PARD3B: variants seen among roughly 807,000 people sequenced by gnomAD.
The protein encoded by PARD3B is partitioning defective 3 homolog B.
A neutral mutation model predicts 130.2 loss-of-function variants in PARD3B; 103 were observed. The ratio of observed to expected loss-of-function variants is 0.79; its 90% confidence interval spans 0.67 to 0.93. The LOEUF is 0.93. Ranked by LOEUF, PARD3B falls within the 40% of genes least tolerant of loss-of-function variation. PARD3B has a pLI of 0.00. For missense variants in PARD3B, 1,609 were observed against 1,499.2 expected, an observed-to-expected ratio of 1.07 and a Z score of -1.21; for synonymous variants, 583 against 553.2, an observed-to-expected ratio of 1.05 and a Z score of -0.76.
intron 1 of PARD3B, among the ~76,000 whole-genome samples, chr2:204,638,294 G>GT (rs1243203404): frequency 5.3e-5 from 8 of 152,140 alleles, no homozygotes; most frequent in Non-Finnish European, 7.4e-5. Context: ...TAAAGAGCCT[G>GT]AATTGCTTAG....
At chr2:205,544,887 G>A (rs1428503422) in intron 21 of PARD3B, among the ~76,000 whole-genome samples, 1 of 152,174 alleles carries the variant, frequency 6.6e-6, no homozygotes, top group Non-Finnish European at 1.5e-5. Flanking sequence ...CAGGATGTCT[G>A]TTTTAACCCT....
chr2:204,553,693 TATAC>T lies in PARD3B; in HGVS notation c.120+7576_120+7579del, dbSNP rs1185483285. On this transcript the variant is annotated intron_variant, in intron 1 of 22. Transcript: ENST00000406610. ...ATATATATATATATATATATATATA[TATAC>T]ACACATATATATAAAGGAATACACC... 4.3e-3 allele frequency among the ~76,000 whole-genome samples: 433 copies of T among 100,312 alleles called. 5 individuals are homozygous for T. Among genetic ancestry groups the T allele is most frequent in the African/African-American group, 0.022 (398 of 18,510 alleles). The allele number at this position is 100,312 out of a possible 152,430, so 65.8% of individuals were successfully genotyped here.
At chr2:205,299,340 G>T (rs377429839) in intron 16 of PARD3B, among the ~76,000 whole-genome samples, 2 of 152,156 alleles carry the variant, frequency 1.3e-5, no homozygotes, top group Non-Finnish European at 2.9e-5. Flanking sequence ...AGACATTGAA[G>T]TAGGTACTTT....
chr2:204,548,536 CA>C (rs530123729), intron 1 of PARD3B, among the ~76,000 whole-genome samples: 43 of 152,346 alleles, frequency 2.8e-4, no homozygotes, highest in East Asian at 2.3e-3. Context: ...TGTTTGCTCT[CA>C]GCCATTAACT....
chr2:205,002,034 C>T lies in PARD3B; in HGVS notation c.394+36711C>T, dbSNP rs568770302. 7.2e-5 allele frequency among the ~76,000 whole-genome samples: 11 copies of T among 152,278 alleles called. No individual in the cohort carries two copies. In the East Asian group the frequency reaches 1.9e-3, roughly 27 times the overall value. ...TTCCCCCTAAACAAAAATATATTTA[C>T]TCCATTCCCTAATATAAGTAGCTAC... On this transcript the variant is annotated intron_variant, in intron 3 of 22. Transcript: ENST00000406610.
At chr2:204,552,166 C>G (rs1014912433) in intron 1 of PARD3B, among the ~76,000 whole-genome samples, 1 of 152,192 alleles carries the variant, frequency 6.6e-6, no homozygotes, top group African/African-American at 2.4e-5. Flanking sequence ...AGATCCCAGG[C>G]AGTCCTTAAC....
At chr2:205,076,037 A>G (rs957641884) in intron 4 of PARD3B, among the ~76,000 whole-genome samples, 6 of 152,190 alleles carry the variant, frequency 3.9e-5, no homozygotes, top group Non-Finnish European at 7.4e-5. Context: ...AAATTCGTGC[A>G]GTATCCTGTG....
intron 3 of PARD3B, among the ~76,000 whole-genome samples, chr2:204,982,894 A>G (rs1025906914): frequency 1.5e-4 from 23 of 152,164 alleles, no homozygotes; most frequent in Non-Finnish European, 3.1e-4. Flanking sequence ...GTCTGATTTT[A>G]CTTGAGGGGA....
At chr2:205,327,919 C>T (rs1408173386) in intron 18 of PARD3B, among the ~76,000 whole-genome samples, 1 of 152,084 alleles carries the variant, frequency 6.6e-6, no homozygotes, top group African/African-American at 2.4e-5. Context: ...CTTCCAGGGT[C>T]CATTTTTATT....
intron 2 of PARD3B, among the ~76,000 whole-genome samples, chr2:204,870,662 A>G (rs933435862): frequency 2.6e-5 from 4 of 152,116 alleles, no homozygotes; most frequent in African/African-American, 9.7e-5. Context: ...ATAATTAAAT[A>G]TTTTCTTTTA....
In PARD3B at chr2:205,291,817, T is replaced by G. The variant is rs1042172646; in HGVS notation, c.2186-8713T>G. Reference sequence around the variant, plus strand: ...CCTGTTTGGGAAAGAATACTAAGGATGTGGTCAAACAACTGTTTGATAAGG... The same window carrying G: ...CCTGTTTGGGAAAGAATACTAAGGAGGTGGTCAAACAACTGTTTGATAAGG... On this transcript the variant is annotated intron_variant, in intron 16 of 22. Transcript: ENST00000406610. The surrounding 1 kb of genome is among the most constrained non-coding windows in gnomAD (Gnocchi z 4.6). 2.6e-5 allele frequency among the ~76,000 whole-genome samples: 4 copies of G among 152,136 alleles called. No homozygotes were observed. Among genetic ancestry groups the G allele is most frequent in the Non-Finnish European group, 5.9e-5 (4 of 68,016 alleles).
chr2:204,604,188 T>G (rs2033621135), intron 1 of PARD3B, among the ~76,000 whole-genome samples: 1 of 152,168 alleles, frequency 6.6e-6, no homozygotes, highest in Non-Finnish European at 1.5e-5. Context: ...AATAAAACAG[T>G]CTACTCTCCT....
chr2:204,923,208 A>G (rs1448780087), intron 2 of PARD3B, among the ~76,000 whole-genome samples: 2 of 152,152 alleles, frequency 1.3e-5, no homozygotes, highest in African/African-American at 4.8e-5. Flanking sequence ...GTAGCCAGTT[A>G]AGTGAAAAAT....
At chr2:204,611,780 C>A (rs76825308) in intron 1 of PARD3B, among the ~76,000 whole-genome samples, 1 of 152,088 alleles carries the variant, frequency 6.6e-6, no homozygotes, top group Non-Finnish European at 1.5e-5. Flanking sequence ...AATCCATTTG[C>A]GTACATCCCA....
In PARD3B at chr2:204,610,678, A is replaced by G. The variant is rs1233015572; in HGVS notation, c.120+64559A>G. On this transcript the variant is annotated intron_variant, in intron 1 of 22. Coordinates refer to ENST00000406610, the MANE Select transcript of PARD3B (RefSeq NM_001302769.2). This position sits in a 1 kb window ranked among gnomAD's most constrained non-coding sequence, Gnocchi z 4.1. ...CCTGCCCCTTGTCCTTCATAGAACC[A>G]CTTTGATATGTTAGTCTACTTCAGG... 1.3e-5 allele frequency among the ~76,000 whole-genome samples: 2 copies of G among 152,062 alleles called. No homozygotes were observed. The highest frequency in any genetic ancestry group is 2.4e-5 in the African/African-American group (1 of 41,402).
At chr2:205,406,619 G>C (rs1453513747) in intron 19 of PARD3B, among the ~76,000 whole-genome samples, 1 of 137,384 alleles carries the variant, frequency 7.3e-6, no homozygotes, top group Non-Finnish European at 1.6e-5. Flanking sequence ...ATCTAATTAA[G>C]TACATTAAGC....
chr2:204,669,522 C>T lies in PARD3B; in HGVS notation c.121-16659C>T, dbSNP rs1217312606. ...TGAGCTGTAAAAAGGAGAATATGTT[C>T]GAACATTCTTGTTTGAATGGTTTAG... On this transcript the variant is annotated intron_variant, in intron 1 of 22. Transcript: ENST00000406610. The surrounding 1 kb of genome is among the most constrained non-coding windows in gnomAD (Gnocchi z 4.3). Among the ~76,000 whole-genome samples the T allele has an allele frequency of 2.0e-5, 3 of 152,030 alleles. No homozygotes were observed. Among genetic ancestry groups the T allele is most frequent in the East Asian group, 3.9e-4 (2 of 5,184 alleles).
At chr2:205,136,607 C>T (rs899851538) in intron 10 of PARD3B, among the ~76,000 whole-genome samples, 42 of 152,146 alleles carry the variant, frequency 2.8e-4, no homozygotes, top group African/African-American at 9.9e-4. Flanking sequence ...CTCTCCTTCC[C>T]AGCAGCTATA....
At position 205,589,283 on chromosome 2, in the gene PARD3B, C is replaced by G. The variant is rs929813887; in HGVS notation, c.3261-26173C>G. Among the ~76,000 whole-genome samples, 1 of 152,080 alleles carries G rather than the reference C, an allele frequency of 6.6e-6. No individual in the cohort carries two copies. The highest frequency in any genetic ancestry group is 2.4e-5 in the African/African-American group (1 of 41,404). On this transcript the variant is annotated intron_variant, in intron 22 of 22. Transcript: ENST00000406610. This position sits in a 1 kb window ranked among gnomAD's most constrained non-coding sequence, Gnocchi z 4.1. ...TGCAGCCTGGGTGGTGAAGCGAGAC[C>G]CTGTCTCAATCAATCAATCAATCAA...
Sources: allele counts gnomAD v4.1 joint callset (sites outside exome capture counted in the v4.1 genomes callset), GRCh38; gene constraint gnomAD v4.1.1; non-coding constraint Gnocchi (gnomAD v3.1); transcripts MANE v1.5; gene names NCBI Gene and HGNC (gene_info 2026-07-23, HGNC 2026-07-21).